Variants in B4GALNT1 observed in about 807,000 individuals in gnomAD.
B4GALNT1 encodes the protein beta-1,4-N-acetyl-galactosaminyltransferase 1, also known as beta-1,4 N-acetylgalactosaminyltransferase 1.
B4GALNT1 carries 43 observed loss-of-function variants against 55.2 expected under a neutral mutation model. That is an observed-to-expected ratio of 0.78 (90% confidence interval 0.61 to 1.00). B4GALNT1 has a LOEUF of 1.00. B4GALNT1 is among the 50% of genes least tolerant of loss of function. B4GALNT1 has a pLI of 0.00. For synonymous variants in B4GALNT1, 305 were observed against 311.6 expected (o/e 0.98, Z 0.22); for missense variants, 664 against 729.7 (o/e 0.91, Z 1.04).
chr12:57,630,375 C>G, intron 5 of B4GALNT1, 43 bp from the exon 6 acceptor site: 1 of 1,601,044 alleles, frequency 6.2e-7, no homozygotes, highest in Non-Finnish European at 8.5e-7. Flanking sequence ...CCCAGACCCA[C>G]TTCTTGCCTC....
chr12:57,628,054 G>C, intron 9 of B4GALNT1, 68 bp downstream of exon 9: 1 of 1,584,988 alleles, frequency 6.3e-7, no homozygotes, highest in African/African-American at 1.3e-5. Flanking sequence ...TGGCCGCAGC[G>C]CCCCCGCTGT....
Position 57,624,135 on chromosome 12 carries a change from A to C in B4GALNT1, c.*2609T>G. On this transcript the variant is annotated 3_prime_UTR_variant, in exon 11 of 11. Coordinates refer to ENST00000341156, the MANE Select transcript of B4GALNT1 (RefSeq NM_001478.5). The stretch of plus-strand genomic sequence containing the variant: ...CATTACCCCCAGATTGCCCCCTCTC[A>C]TCTTGTTAGCATCCCCAGCCTCTGC... 2.5e-6 allele frequency: 4 copies of C among 1,597,166 alleles called. No individual in the cohort carries two copies. Among genetic ancestry groups the C allele is most frequent in the Non-Finnish European group, 2.6e-6 (3 of 1,167,786 alleles).
rs777129843 is a variant in B4GALNT1 at position 57,627,677 on chromosome 12, C to T, written c.1325G>A (p.Arg442Gln). ...ACCGACCTCGCGCACCTTGTCAGTC[C>T]GCGCCAGGAAGAAGTTAACCACGCC... The part of the protein sequence containing the change: ...TDGVVNFFLA[R>Q]TDKVREVGFD... The change falls in exon 10 of 11, where the codon CGG becomes CAG. Residue 442 changes from arginine to glutamine, a missense_variant. Coordinates refer to ENST00000341156, the MANE Select transcript of B4GALNT1 (RefSeq NM_001478.5). 13 of 1,611,650 alleles carry T rather than the reference C, an allele frequency of 8.1e-6. No individual in the cohort carries two copies. The highest frequency in any genetic ancestry group is 5.1e-6 in the Non-Finnish European group (6 of 1,178,720).
Position 57,628,179 on chromosome 12 carries a change from C to A in B4GALNT1, c.1086G>T (p.Thr362=). The change falls in exon 9 of 11, where the codon ACG becomes ACT. Residue 362 remains threonine (T), a synonymous_variant. Coordinates refer to ENST00000341156, the MANE Select transcript of B4GALNT1 (RefSeq NM_001478.5). ...CAAGCCTCTCCAGCCGCGTCCGCGC[C>A]GTGAAGACGAAGTCGTCGTCCACCC... ...VLWVDDDFVF[T]ARTRLERLVD... 1.2e-6 allele frequency: 2 copies of A among 1,614,274 alleles called. No homozygotes were observed. Among genetic ancestry groups the A allele is most frequent in the Non-Finnish European group, 8.5e-7 (1 of 1,180,052 alleles).
chr12:57,626,984 A>G, intron 10 of B4GALNT1, 23 bp from the exon 11 acceptor site: 1 of 1,597,996 alleles, frequency 6.3e-7, no homozygotes, highest in Non-Finnish European at 8.6e-7. Flanking sequence ...GGGAGTACAC[A>G]GTGAGGGATC....
Position 57,624,253 on chromosome 12 carries a change from A to G in B4GALNT1, c.*2491T>C. ...TCCTAGTATGCTTTACTCACAGGCA[A>G]GGGAAAGGATGGGGTTTGAACCCCT... On this transcript the variant is annotated 3_prime_UTR_variant, in exon 11 of 11. Transcript: ENST00000341156. 1.4e-6 allele frequency: 1 copy of G among 727,172 alleles called. No individual in the cohort carries two copies. The highest frequency in any genetic ancestry group is 2.3e-6 in the Non-Finnish European group (1 of 436,402). The allele number at this position is 727,172 out of a possible 1,614,324, so 45.0% of individuals were successfully genotyped here.
rs771399251 is a variant in B4GALNT1, at chr12:57,626,805, T to C, written c.1541A>G (p.Gln514Arg). Reference protein sequence around the residue: ...YRYPGSLDESQMAKHRLLFFK... With the variant: ...YRYPGSLDESRMAKHRLLFFK... ...GAAGAGCAGCCGGTGTTTGGCCATC[T>C]GGCTCTCGTCCAGTGATCCTGGGTA... The change falls in exon 11 of 11, where the codon CAG becomes CGG. Residue 514 changes from glutamine to arginine, a missense_variant. Physicochemically the swap from Gln to Arg is conservative, Grantham distance 43 (BLOSUM62 1). Transcript: ENST00000341156. 40 of 1,614,130 alleles carry C rather than the reference T, an allele frequency of 2.5e-5. No individual in the cohort carries two copies. The highest frequency in any genetic ancestry group is 3.2e-5 in the Non-Finnish European group (38 of 1,180,046).
chr12:57,626,739 G>A lies in B4GALNT1; in HGVS notation c.*5C>T. 1 of 1,614,018 alleles carries A rather than the reference G, an allele frequency of 6.2e-7. No homozygotes were observed. On this transcript the variant is annotated 3_prime_UTR_variant, in exon 11 of 11. Transcript: ENST00000341156. ...GCCTGACAGTCAGAAATCCCCAGCG[G>A]GCCATCACTGGGAGGTCATGCACTG...
At position 57,625,720 on chromosome 12, in the gene B4GALNT1, A is replaced by G; in HGVS notation, c.*1024T>C. 2.0e-6 allele frequency: 3 copies of G among 1,536,780 alleles called. No homozygotes were observed. The Admixed American group carries it at 6.3e-5, about 32-fold the overall frequency. On this transcript the variant is annotated 3_prime_UTR_variant, in exon 11 of 11. Coordinates refer to ENST00000341156, the MANE Select transcript of B4GALNT1 (RefSeq NM_001478.5). ...GGCAGTAGCACCAGGAGCGGGAGCC[A>G]GGAGGCACTGGGCTGCGGCAAGTGA...
In B4GALNT1 at chr12:57,625,091, C is replaced by T. The variant is rs370172027; in HGVS notation, c.*1653G>A. 5.3e-5 allele frequency: 86 copies of T among 1,614,032 alleles called. No homozygotes were observed. In the African/African-American group the frequency reaches 6.5e-4, roughly 12 times the overall value. Reference sequence around the variant, plus strand: ...AGGGGTGCATGTTCATGCTGTGTTTCGGGAGTGGTGACTGCCCTTCTTTAC... The same window carrying T: ...AGGGGTGCATGTTCATGCTGTGTTTTGGGAGTGGTGACTGCCCTTCTTTAC... On this transcript the variant is annotated 3_prime_UTR_variant, in exon 11 of 11. Transcript: ENST00000341156.
Position 57,632,076 on chromosome 12 carries a change from C to A in B4GALNT1, c.57G>T (p.Ser19=), listed in dbSNP as rs967726005. 2.1e-6 allele frequency: 3 copies of A among 1,442,572 alleles called. No individual in the cohort carries two copies. The African/African-American group carries it at 4.4e-5, about 21-fold the overall frequency. The allele number at this position is 1,442,572 out of a possible 1,614,324, so 89.4% of individuals were successfully genotyped here. A position where few individuals can be genotyped will look rare whatever the true frequency, so the allele number is the denominator to read the frequency against. The change falls in exon 2 of 11, where the codon TCG becomes TCT. Residue 19 remains serine (S), a synonymous_variant. Transcript: ENST00000341156. ...CALVLLLACA[S]LGLLYASTRD... ...GGGTGCTCGCGTACAGGAGCCCCAG[C>A]GAGGCGCAGGCGAGCAGAAGGACCA... is the stretch of plus-strand genomic sequence containing the variant.
Position 57,631,899 on chromosome 12 carries a change from C to T in B4GALNT1, c.218+16G>A. On this transcript the variant is annotated intron_variant, in intron 2 of 10. Coordinates refer to ENST00000341156, the MANE Select transcript of B4GALNT1 (RefSeq NM_001478.5). ...CCCAGCGAGCGCTGCGCTGCGCCGC[C>T]GCGGTCGGCACTCACCCCACTACTT... The T allele has an allele frequency of 2.2e-6, 3 of 1,378,136 alleles. No individual in the cohort carries two copies. The South Asian group carries it at 6.0e-5, about 27-fold the overall frequency. The allele number at this position is 1,378,136 out of a possible 1,614,324, so 85.4% of individuals were successfully genotyped here. A position where few individuals can be genotyped will look rare whatever the true frequency, so the allele number is the denominator to read the frequency against.
chr12:57,626,842 C>T lies in B4GALNT1; in HGVS notation c.1504G>A (p.Ala502Thr), dbSNP rs753022496. The change falls in exon 11 of 11, where the codon GCC becomes ACC. Residue 502 changes from alanine (A) to threonine (T), a missense_variant. Ala to Thr is a moderately conservative substitution (Grantham distance 58). Transcript: ENST00000341156. Reference protein sequence around the residue: ...TSRDAGAETYARYRYPGSLDE... With the variant: ...TSRDAGAETYTRYRYPGSLDE... ...AGTGATCCTGGGTAACGGTACCGGG[C>T]GTAAGTCTCTGCTCCGGCATCCCTT... 9.9e-6 allele frequency: 16 copies of T among 1,614,086 alleles called. No homozygotes were observed. Among genetic ancestry groups the T allele is most frequent in the South Asian group, 5.5e-5 (5 of 91,092 alleles).
rs751593187 is a variant in B4GALNT1, at chr12:57,626,790, C to G, written c.1556G>C (p.Arg519Pro). 14 of 1,614,076 alleles carry G rather than the reference C, an allele frequency of 8.7e-6. No individual in the cohort carries two copies. The Admixed American group carries it at 2.0e-4, about 23-fold the overall frequency. ...CAGCCGGTGTTTGAAGAAGAGCAGC[C>G]GGTGTTTGGCCATCTGGCTCTCGTC... Reference protein sequence around the residue: ...SLDESQMAKHRLLFFKHRLQC... With the variant: ...SLDESQMAKHPLLFFKHRLQC... Residue 519 changes from arginine to proline, a missense_variant, in exon 11 of 11, where the codon CGG becomes CCG. Physicochemically the swap from Arg to Pro is moderately radical, Grantham distance 103. Transcript: ENST00000341156.
Position 57,627,661 on chromosome 12 carries a change from G to C in B4GALNT1, c.1341C>G (p.Arg447=). The C allele has an allele frequency of 6.2e-7, 1 of 1,606,716 alleles. No individual in the cohort carries two copies. The highest frequency in any genetic ancestry group is 8.5e-7 in the Non-Finnish European group (1 of 1,174,922). Residue 447 remains arginine, a synonymous_variant, in exon 10 of 11, where the codon CGC becomes CGG. Transcript: ENST00000341156. The part of the protein sequence containing the change: ...NFFLARTDKV[R]EVGFDPRLSR... The stretch of plus-strand genomic sequence containing the variant: ...TGAGGCGGGGGTCGAAACCGACCTC[G>C]CGCACCTTGTCAGTCCGCGCCAGGA...
At chr12:57,627,400 A>G (rs1394281113) in intron 10 of B4GALNT1, among the ~76,000 whole-genome samples, 9 of 132,830 alleles carry the variant, frequency 6.8e-5, no homozygotes, top group Non-Finnish European at 1.3e-4. Context: ...AACAAAAAAT[A>G]TATATATTTA....
chr12:57,631,171 G>A (rs748804707), intron 3 of B4GALNT1, 29 bp downstream of exon 3: 4 of 1,613,964 alleles, frequency 2.5e-6, no homozygotes, highest in Non-Finnish European at 2.5e-6. Context: ...CTCCCCCTGA[G>A]GAGTCATGCG....
rs764537516 is a variant in B4GALNT1, at chr12:57,624,475, A to G, written c.*2269T>C. The G allele has an allele frequency of 9.9e-6, 6 of 607,530 alleles. No individual in the cohort carries two copies. The highest frequency in any genetic ancestry group is 1.3e-5 in the Non-Finnish European group (4 of 311,552). The allele number at this position is 607,530 out of a possible 1,614,324, so 37.6% of individuals were successfully genotyped here. ...GATGGCCTGGCTTTTCTTTTGGGCA[A>G]TCCACCCCTATCCCTATCCTGCAGG... On this transcript the variant is annotated 3_prime_UTR_variant, in exon 11 of 11. Transcript: ENST00000341156.
chr12:57,631,863 C>T, intron 2 of B4GALNT1, 52 bp downstream of exon 2: 1 of 1,354,678 alleles, frequency 7.4e-7, no homozygotes. Flanking sequence ...AACAAAAGCC[C>T]CCAGACCACC....
Sources: allele counts gnomAD v4.1 joint callset (sites outside exome capture counted in the v4.1 genomes callset), GRCh38; gene constraint gnomAD v4.1.1; transcripts MANE v1.5; gene names NCBI Gene and HGNC (gene_info 2026-07-23, HGNC 2026-07-21).